Variants in GALNT10 observed in about 807,000 individuals in gnomAD.
The protein encoded by GALNT10 is GalNAc transferase 10.
A neutral mutation model predicts 75.0 loss-of-function variants in GALNT10; 41 were observed. The ratio of observed to expected loss-of-function variants is 0.55; its 90% CI spans 0.43 to 0.71. The LOEUF (loss-of-function observed/expected upper bound fraction) is 0.71, where lower values mean the gene tolerates loss of function less well. Ranked by LOEUF, GALNT10 falls within the 30% of genes least tolerant of loss-of-function variation. GALNT10 has a pLI of 0.00. For synonymous variants in GALNT10, 302 were observed against 313.0 expected (o/e 0.96, Z 0.37); for missense variants, 727 against 818.5 (o/e 0.89, Z 1.36).
chr5:154,328,907 G>A (rs1338073559), intron 3 of GALNT10, among the ~76,000 whole-genome samples: 1 of 152,138 alleles, frequency 6.6e-6, no homozygotes. Context: ...TCTTGTGGAG[G>A]CCTCATCACA....
chr5:154,337,904 A>T, intron 4 of GALNT10: 1 of 1,351,854 alleles, frequency 7.4e-7, no homozygotes, highest in African/African-American at 1.4e-5. Flanking sequence ...TCCTAACTTT[A>T]CATTTGTGGC....
At chr5:154,408,179 G>T (rs1756321853) in intron 8 of GALNT10, among the ~76,000 whole-genome samples, 2 of 152,166 alleles carry the variant, frequency 1.3e-5, no homozygotes, top group South Asian at 4.1e-4. Context: ...CATATGGTCT[G>T]CAAAGCCTAA....
intron 7 of GALNT10, among the ~76,000 whole-genome samples, chr5:154,395,523 T>G (rs896375030): frequency 6.6e-6 from 1 of 152,248 alleles, no homozygotes. Context: ...TAGCTGTTAA[T>G]GTCAGCATGG....
At chr5:154,286,233 T>A (rs1002362652) in intron 1 of GALNT10, among the ~76,000 whole-genome samples, 3 of 152,232 alleles carry the variant, frequency 2.0e-5, no homozygotes, top group African/African-American at 7.2e-5. Context: ...CTCACCAGTA[T>A]ATCCTCAGCA....
intron 1 of GALNT10, among the ~76,000 whole-genome samples, chr5:154,200,614 A>G (rs1451216163): frequency 6.6e-6 from 1 of 152,160 alleles, no homozygotes; most frequent in Non-Finnish European, 1.5e-5. Flanking sequence ...CAGTTTCTAA[A>G]TTTGGTACCT....
intron 1 of GALNT10, among the ~76,000 whole-genome samples, chr5:154,215,963 A>T (rs1023827478): frequency 6.6e-6 from 1 of 152,172 alleles, no homozygotes; most frequent in Non-Finnish European, 1.5e-5. Context: ...TTATTTGAAA[A>T]GGTAGAGTTT....
chr5:154,315,329 C>T (rs984764234), intron 3 of GALNT10, among the ~76,000 whole-genome samples: 1 of 152,212 alleles, frequency 6.6e-6, no homozygotes, highest in African/African-American at 2.4e-5. Flanking sequence ...TGAGAAAGGC[C>T]ACACAGCCAA....
chr5:154,380,385 G>C, intron 5 of GALNT10, 63 bp from the exon 6 acceptor site: 1 of 1,280,846 alleles, frequency 7.8e-7, no homozygotes, highest in African/African-American at 1.5e-5. Context: ...TGCAGAACAG[G>C]ATGGTGCACT....
chr5:154,319,322 C>A (rs897631607), intron 3 of GALNT10, among the ~76,000 whole-genome samples: 2 of 152,222 alleles, frequency 1.3e-5, no homozygotes, highest in Non-Finnish European at 2.9e-5. Flanking sequence ...CAGAGATCAG[C>A]CCCACATGTT....
At chr5:154,350,521 A>T (rs2113143173) in intron 4 of GALNT10, among the ~76,000 whole-genome samples, 1 of 152,362 alleles carries the variant, frequency 6.6e-6, no homozygotes, top group East Asian at 1.9e-4. Flanking sequence ...AAATAGATGT[A>T]TGTGCAGGGT....
chr5:154,310,094 G>C (rs1754490660), intron 3 of GALNT10, among the ~76,000 whole-genome samples: 1 of 152,146 alleles, frequency 6.6e-6, no homozygotes, highest in African/African-American at 2.4e-5. Context: ...TGAATGACGG[G>C]AGTCTGCACC....
At chr5:154,396,912 A>C (rs540104159) in intron 7 of GALNT10, among the ~76,000 whole-genome samples, 1,830 of 152,238 alleles carry the variant, frequency 0.012, 29 homozygotes, top group Non-Finnish European at 0.016. Context: ...GGATCACTAG[A>C]GGTCAGGAGT....
intron 3 of GALNT10, among the ~76,000 whole-genome samples, chr5:154,310,091 C>T (rs973021271): frequency 6.6e-6 from 1 of 152,254 alleles, no homozygotes; most frequent in Non-Finnish European, 1.5e-5. Flanking sequence ...GAATGAATGA[C>T]GGGAGTCTGC....
At chr5:154,287,435 A>G (rs781755612) in intron 1 of GALNT10, 7 of 150,488 alleles carry the variant, frequency 4.7e-5, no homozygotes, top group Non-Finnish European at 1.0e-4. Context: ...CTCAACTGCT[A>G]CCAGTTAAAA....
chr5:154,309,569 T>C (rs529003152), intron 3 of GALNT10, among the ~76,000 whole-genome samples: 6 of 152,280 alleles, frequency 3.9e-5, no homozygotes, highest in African/African-American at 1.4e-4. Flanking sequence ...GGAGTAGCCA[T>C]GGCTGAATTC....
At position 154,415,839 on chromosome 5, in the gene GALNT10, G is replaced by A; in HGVS notation, c.1560G>A (p.Lys520=). The A allele has an allele frequency of 6.2e-7, 1 of 1,614,132 alleles. No individual in the cohort carries two copies. Among genetic ancestry groups the A allele is most frequent in the Non-Finnish European group, 8.5e-7 (1 of 1,179,978 alleles). The change falls in exon 11 of 12, where the codon AAG becomes AAA. Residue 520 remains lysine (K), a synonymous_variant. Transcript: ENST00000297107. ...DIRPGDPQHT[K]KFCFDAISHT... is the part of the protein sequence containing the mutation. The stretch of plus-strand genomic sequence containing the variant: ...GGCCTGGAGACCCCCAGCACACCAA[G>A]AAGTTCTGCTTTGATGCCATTTCCC...
intron 1 of GALNT10, among the ~76,000 whole-genome samples, chr5:154,281,398 T>C (rs959217071): frequency 6.6e-6 from 1 of 152,244 alleles, no homozygotes; most frequent in Non-Finnish European, 1.5e-5. Context: ...ATATTGACCT[T>C]ATATCTTTTG....
At chr5:154,191,941 AG>A (rs1438339974) in intron 1 of GALNT10, among the ~76,000 whole-genome samples, 1 of 152,252 alleles carries the variant, frequency 6.6e-6, no homozygotes, top group Non-Finnish European at 1.5e-5. Context: ...GCACGCATTT[AG>A]ACTAGCAGCT....
chr5:154,191,392 T>C (rs1774855916), intron 1 of GALNT10, among the ~76,000 whole-genome samples: 1 of 151,614 alleles, frequency 6.6e-6, no homozygotes, highest in Non-Finnish European at 1.5e-5. Flanking sequence ...AAGATTCTGG[T>C]TCTTCTATTT....
Sources: allele counts gnomAD v4.1 joint callset (sites outside exome capture counted in the v4.1 genomes callset), GRCh38; gene constraint gnomAD v4.1.1; transcripts MANE v1.5; gene names NCBI Gene and HGNC (gene_info 2026-07-23, HGNC 2026-07-21).